Variants in MAF observed in about 807,000 individuals in gnomAD.
MAF encodes MAF bZIP transcription factor, also known as transcription factor Maf.
A neutral mutation model predicts 22.0 loss-of-function variants in MAF; 10 were observed. The observed-to-expected ratio is 0.45, with a 90% CI of 0.28 to 0.77. The LOEUF (loss-of-function observed/expected upper bound fraction) is 0.77, where lower values mean the gene tolerates loss of function less well. Among genes scored for constraint, MAF ranks in the 30% least tolerant of loss-of-function variants. The pLI, the probability that MAF is intolerant of heterozygous loss-of-function variation, is 0.12. For missense variants in MAF, 544 were observed against 548.4 expected, an observed-to-expected ratio of 0.99 and a Z score of 0.08; for synonymous variants, 337 against 255.8, an observed-to-expected ratio of 1.32 and a Z score of -3.03.
At chr16:79,420,931 G>C in the MAF span, among the ~76,000 whole-genome samples, 1 of 152,086 alleles carries the variant, frequency 6.6e-6, no homozygotes, top group African/African-American at 2.4e-5. Context: ...CTACTTGGGA[G>C]GCTGAGACAG....
chr16:79,495,209 C>G, the MAF span, among the ~76,000 whole-genome samples: 1 of 152,098 alleles, frequency 6.6e-6, no homozygotes, highest in Non-Finnish European at 1.5e-5. Flanking sequence ...TGCCTGTAAT[C>G]CCAGCACTTT....
the MAF span, among the ~76,000 whole-genome samples, chr16:79,559,789 T>G: frequency 1.3e-5 from 2 of 152,236 alleles, no homozygotes; most frequent in Non-Finnish European, 2.9e-5. Context: ...ATCAATTTAT[T>G]GTTTAGCTAT....
chr16:79,457,041 T>A, the MAF span, among the ~76,000 whole-genome samples: 10 of 152,054 alleles, frequency 6.6e-5, no homozygotes, highest in Non-Finnish European at 1.3e-4. Flanking sequence ...TAGGGACTCA[T>A]TGAAGATTAA....
the MAF span, among the ~76,000 whole-genome samples, chr16:79,385,414 C>CT: frequency 3.2e-3 from 493 of 152,096 alleles, no homozygotes; most frequent in Non-Finnish European, 6.0e-3. Context: ...TAAAATTATG[C>CT]TTTTTTTTCA....
the MAF span, among the ~76,000 whole-genome samples, chr16:79,548,617 C>T: frequency 6.6e-6 from 1 of 152,182 alleles, no homozygotes; most frequent in African/African-American, 2.4e-5. Context: ...TTGTGTTTTT[C>T]TGAAAACCCT....
the MAF span, among the ~76,000 whole-genome samples, chr16:79,384,078 T>C: frequency 1.3e-5 from 2 of 151,926 alleles, no homozygotes; most frequent in Non-Finnish European, 2.9e-5. Context: ...TCCTCCTGAG[T>C]TGTACAATCG....
chr16:79,334,088 C>T, the MAF span, among the ~76,000 whole-genome samples: 5 of 152,214 alleles, frequency 3.3e-5, no homozygotes, highest in Non-Finnish European at 7.3e-5. Flanking sequence ...AGACAAACAT[C>T]GGATGCAGCA....
the MAF span, among the ~76,000 whole-genome samples, chr16:79,416,449 ACAC>A: frequency 2.6e-5 from 4 of 151,918 alleles, no homozygotes; most frequent in African/African-American, 9.7e-5. Context: ...TCACGGTGAT[ACAC>A]TACATTTGCA....
the MAF span, among the ~76,000 whole-genome samples, chr16:79,283,179 C>T: frequency 5.3e-5 from 8 of 151,946 alleles, no homozygotes; most frequent in East Asian, 1.9e-4. Context: ...GATAGATGGA[C>T]GGATGAATGG....
chr16:79,558,863 T>C, the MAF span, among the ~76,000 whole-genome samples: 82 of 152,324 alleles, frequency 5.4e-4, no homozygotes, highest in African/African-American at 1.7e-3. Flanking sequence ...TGGAAGGTAT[T>C]TGACTTTGAG....
the MAF span, among the ~76,000 whole-genome samples, chr16:79,459,584 T>A: frequency 2.0e-5 from 3 of 152,148 alleles, no homozygotes; most frequent in Non-Finnish European, 2.9e-5. Context: ...CTCACTTTTT[T>A]TTTTTAAAGA....
At chr16:79,537,359 G>A in the MAF span, among the ~76,000 whole-genome samples, 3,373 of 152,214 alleles carry the variant, frequency 0.022, 120 homozygotes, top group African/African-American at 0.069. Context: ...GCAGTACCAG[G>A]TATTTTGATG....
the MAF span, chr16:79,516,027 C>G: frequency 6.8e-6 from 1 of 147,062 alleles, no homozygotes; most frequent in South Asian, 2.2e-4. Context: ...AAGCTCCTGG[C>G]TCAAGTGGCT....
the MAF span, among the ~76,000 whole-genome samples, chr16:79,361,006 C>T: frequency 6.6e-6 from 1 of 152,166 alleles, no homozygotes; most frequent in African/African-American, 2.4e-5. Context: ...GACTCCTTCA[C>T]CCCCCAGCAA....
chr16:79,545,707 T>G, the MAF span, among the ~76,000 whole-genome samples: 1 of 152,064 alleles, frequency 6.6e-6, no homozygotes, highest in Non-Finnish European at 1.5e-5. Context: ...TGGATGCCCA[T>G]AGAAGCAGAG....
the MAF span, among the ~76,000 whole-genome samples, chr16:79,270,393 T>A: frequency 6.6e-6 from 1 of 151,918 alleles, no homozygotes; most frequent in African/African-American, 2.4e-5. Context: ...CAGAGGAGCA[T>A]GTGTGGAGTG....
chr16:79,373,434 G>C, the MAF span, among the ~76,000 whole-genome samples: 1 of 127,838 alleles, frequency 7.8e-6, no homozygotes, highest in Admixed American at 1.0e-4. Flanking sequence ...CCAGGCTGGA[G>C]TGCAATGGAG....
the MAF span, among the ~76,000 whole-genome samples, chr16:79,327,745 ATC>A: frequency 6.6e-6 from 1 of 152,158 alleles, no homozygotes; most frequent in Admixed American, 6.5e-5. Context: ...TGACCGCTTT[ATC>A]TCTTTTAATC....
intron 1 of MAF, chr16:79,595,876 A>G: frequency 9.4e-7 from 1 of 1,058,848 alleles, no homozygotes; most frequent in Non-Finnish European, 1.1e-6. Context: ...GGAAGTAAGG[A>G]GTGGATTTTC....
Sources: allele counts gnomAD v4.1 joint callset (sites outside exome capture counted in the v4.1 genomes callset), GRCh38; gene constraint gnomAD v4.1.1; transcripts MANE v1.5; gene names NCBI Gene and HGNC (gene_info 2026-07-23, HGNC 2026-07-21).